FLACC1: variants seen among roughly 807,000 people sequenced by gnomAD.
FLACC1 encodes the protein flagellum associated containing coiled-coil domains 1.
A neutral mutation model predicts 62.8 loss-of-function variants in FLACC1; 66 were observed. The observed-to-expected ratio is 1.05, with a 90% CI of 0.86 to 1.29. The LOEUF (loss-of-function observed/expected upper bound fraction) is 1.29, where lower values mean the gene tolerates loss of function less well. Ranked by LOEUF, FLACC1 falls within the 50% of genes most tolerant of loss-of-function variation. The pLI is 0.00. For synonymous variants in FLACC1, 156 were observed against 161.0 expected (o/e 0.97, Z 0.24); for missense variants, 452 against 489.1 (o/e 0.92, Z 0.71).
At chr2:201,306,979 G>A (rs1950120308) in intron 11 of FLACC1, among the ~76,000 whole-genome samples, 1 of 152,114 alleles carries the variant, frequency 6.6e-6, no homozygotes, top group Admixed American at 6.6e-5. Context: ...CCATAATGAA[G>A]TACCACTTCA....
chr2:201,350,272 C>T (rs1045838790), intron 3 of FLACC1, among the ~76,000 whole-genome samples: 3 of 152,084 alleles, frequency 2.0e-5, no homozygotes, highest in African/African-American at 4.8e-5. Flanking sequence ...GTAATCCCAG[C>T]TACTCAGGAG....
chr2:201,336,137 T>C (rs1382560029), intron 7 of FLACC1, among the ~76,000 whole-genome samples: 1 of 152,026 alleles, frequency 6.6e-6, no homozygotes, highest in African/African-American at 2.4e-5. Flanking sequence ...GATAGGTTGT[T>C]CTTGAACCCT....
chr2:201,354,734 G>A (rs557038337), intron 1 of FLACC1, among the ~76,000 whole-genome samples: 1 of 152,272 alleles, frequency 6.6e-6, no homozygotes, highest in African/African-American at 2.4e-5. Flanking sequence ...TGTACGAAAG[G>A]AGCCAACCCT....
chr2:201,321,570 C>T (rs1576444384), intron 9 of FLACC1, among the ~76,000 whole-genome samples: 1 of 152,322 alleles, frequency 6.6e-6, no homozygotes, highest in East Asian at 1.9e-4. Context: ...TATAGACAGT[C>T]TTTCTGGAAG....
chr2:201,289,844 C>G (rs879889041), intron 12 of FLACC1, 59 bp from the exon 13 acceptor site: 1 of 1,613,034 alleles, frequency 6.2e-7, no homozygotes, highest in Admixed American at 1.7e-5. Context: ...TTGGTCTCTT[C>G]TCCAGGGCAC....
intron 12 of FLACC1, among the ~76,000 whole-genome samples, chr2:201,294,242 C>A (rs1949805926): frequency 6.6e-6 from 1 of 152,158 alleles, no homozygotes; most frequent in Non-Finnish European, 1.5e-5. Context: ...AGACCAATAT[C>A]CCTGATGAAC....
intron 9 of FLACC1, among the ~76,000 whole-genome samples, chr2:201,312,922 C>G (rs1950243454): frequency 6.6e-6 from 1 of 152,216 alleles, no homozygotes; most frequent in Non-Finnish European, 1.5e-5. Flanking sequence ...GGGGGATTGT[C>G]CACCTTCAAA....
At chr2:201,295,061 C>A (rs1377533714) in intron 12 of FLACC1, among the ~76,000 whole-genome samples, 1 of 152,124 alleles carries the variant, frequency 6.6e-6, no homozygotes, top group African/African-American at 2.4e-5. Context: ...TAGGAAGAAT[C>A]AACATCGTGA....
In FLACC1 at chr2:201,307,612, C is replaced by A. The variant is rs1291140207; in HGVS notation, c.786G>T (p.Met262Ile). The A allele has an allele frequency of 6.2e-7, 1 of 1,613,056 alleles. No individual in the cohort carries two copies. The highest frequency in any genetic ancestry group is 1.7e-5 in the Admixed American group (1 of 60,012). ...CTGACTCCATTTCGAATTTTTTGGT[C>A]ATCTTTTTTTCTGTGGAAGTGACAG... Reference protein sequence around the residue: ...ENILLQQKKKMTKKFEMESGE... With the variant: ...ENILLQQKKKITKKFEMESGE... Residue 262 changes from methionine to isoleucine, a missense_variant, in exon 11 of 15, where the codon ATG becomes ATT. By Grantham distance (10) the Met-to-Ile change is conservative. Around this residue, in one of 3 missense-constraint regions of FLACC1, gnomAD observed 301 missense variants for 318.4 expected, o/e 0.95. Transcript: ENST00000392257.
At chr2:201,347,890 G>A (rs1439725802) in intron 4 of FLACC1, among the ~76,000 whole-genome samples, 3 of 152,154 alleles carry the variant, frequency 2.0e-5, no homozygotes, top group Non-Finnish European at 4.4e-5. Context: ...GAGGGGTCCC[G>A]GCAGCCTCTC....
chr2:201,349,860 C>A (rs1277600576), intron 3 of FLACC1, among the ~76,000 whole-genome samples: 9 of 152,220 alleles, frequency 5.9e-5, no homozygotes, highest in Middle Eastern at 3.4e-3. Flanking sequence ...ACTGGGGGCA[C>A]CCCTGTGGAG....
At chr2:201,339,678 A>G (rs1437450894) in intron 7 of FLACC1, among the ~76,000 whole-genome samples, 2 of 151,502 alleles carry the variant, frequency 1.3e-5, no homozygotes, top group African/African-American at 4.9e-5. Flanking sequence ...CATTCAGGAG[A>G]ATGCTGTTTA....
At chr2:201,338,841 G>T (rs976406610) in intron 7 of FLACC1, among the ~76,000 whole-genome samples, 1 of 152,108 alleles carries the variant, frequency 6.6e-6, no homozygotes, top group African/African-American at 2.4e-5. Context: ...TTGCATCTGT[G>T]TTCATCAGAG....
upstream of FLACC1, among the ~76,000 whole-genome samples, chr2:201,362,169 T>A (rs536841445): frequency 4.1e-4 from 63 of 152,248 alleles, no homozygotes; most frequent in African/African-American, 1.4e-3. Context: ...CATCAGAAGG[T>A]TTTTTGGACT....
intron 7 of FLACC1, among the ~76,000 whole-genome samples, chr2:201,334,649 G>A (rs1425381997): frequency 6.6e-6 from 1 of 152,010 alleles, no homozygotes; most frequent in African/African-American, 2.4e-5. Context: ...CAGGCGTGGT[G>A]GTGCATGCCT....
chr2:201,358,554 C>T (rs1951153211), upstream of FLACC1, among the ~76,000 whole-genome samples: 2 of 150,540 alleles, frequency 1.3e-5, no homozygotes. Context: ...GTAGCTGGGA[C>T]TACAGGCGCC....
upstream of FLACC1, among the ~76,000 whole-genome samples, chr2:201,358,477 C>T (rs900132276): frequency 7.8e-5 from 11 of 140,860 alleles, no homozygotes; most frequent in Admixed American, 4.5e-4. Flanking sequence ...AGTGCAGTGG[C>T]GGGATCTCGG....
In FLACC1 at chr2:201,344,236, C is replaced by T. The variant is rs748074058; in HGVS notation, c.396G>A (p.Glu132=). ...TTATTGCTGTCAGCTCTGAGATTTG[C>T]TCTTCTAGGTCAGAAATGATGTTGG... ...SRTNIISDLE[E]QISELTAIIE... Residue 132 remains glutamate (E), a synonymous_variant, in exon 6 of 15, where the codon GAG becomes GAA. Coordinates refer to ENST00000392257, the MANE Select transcript of FLACC1 (RefSeq NM_001127391.3). 1 of 1,613,796 alleles carries T rather than the reference C, an allele frequency of 6.2e-7. No homozygotes were observed. The highest frequency in any genetic ancestry group is 8.5e-7 in the Non-Finnish European group (1 of 1,179,738).
intron 11 of FLACC1, among the ~76,000 whole-genome samples, chr2:201,302,882 TG>T (rs1405517878): frequency 1.3e-5 from 2 of 152,218 alleles, no homozygotes; most frequent in East Asian, 3.9e-4. Flanking sequence ...TCGAAACCAA[TG>T]AGAACAAAGA....
Sources: gnomAD v4.1 joint callset for allele counts (sites outside exome capture counted in the v4.1 genomes callset) on GRCh38, gnomAD v4.1.1 for gene constraint, gnomAD v4.1.1 regional missense constraint, MANE v1.5 for transcripts, NCBI Gene and HGNC (gene_info 2026-07-23, HGNC 2026-07-21) for gene names.